The following SAP130 variants were observed in gnomAD, a reference collection of about 807,000 sequenced individuals.
SAP130 encodes the protein Sin3A associated protein 130.
In SAP130, 16 loss-of-function variants were observed where a neutral mutation model predicts 103.2. The ratio of observed to expected loss-of-function variants is 0.16; its 90% confidence interval spans 0.10 to 0.24. The LOEUF is 0.24. SAP130 is among the 10% of genes least tolerant of loss of function. The pLI is 1.00. For missense variants in SAP130, 990 were observed against 1,359.7 expected, an observed-to-expected ratio of 0.73 and a Z score of 4.28; for synonymous variants, 477 against 497.0, an observed-to-expected ratio of 0.96 and a Z score of 0.53.
rs72841718 is a variant in SAP130 at position 127,995,561 on chromosome 2, C to T, written c.1355+789G>A. Among the ~76,000 whole-genome samples the T allele has an allele frequency of 9.7e-3, 1,483 of 152,164 alleles. 18 individuals are homozygous for T. The highest frequency in any genetic ancestry group is 0.034 in the Middle Eastern group (10 of 294). Reference sequence around the variant, plus strand: ...GAGAAAGTTTCTTTACGTCAGAATGCCAGCTAATATATATAGACAACACGT... The same window carrying T: ...GAGAAAGTTTCTTTACGTCAGAATGTCAGCTAATATATATAGACAACACGT... On this transcript the variant is annotated intron_variant, in intron 11 of 20. Coordinates refer to ENST00000643581, the MANE Select transcript of SAP130 (RefSeq NM_001330301.2).
rs768285362 is a variant in SAP130 at position 127,993,254 on chromosome 2, T to G, written c.1410A>C (p.Ala470=). ...TGTAGGTATGTGCCGCCAGTGGGTA[T>G]GCAGAAGGGGGGTAAGTTGGCAAAA... The part of the protein sequence containing the change: ...QYFLPTYPPS[A]YPLAAHTYTP... The change falls in exon 12 of 21, where the codon GCA becomes GCC. Residue 470 remains alanine (A), a synonymous_variant. Transcript: ENST00000643581. The G allele has an allele frequency of 4.3e-6, 7 of 1,613,896 alleles. No individual in the cohort carries two copies. The highest frequency in any genetic ancestry group is 5.9e-6 in the Non-Finnish European group (7 of 1,179,988).
At chr2:127,977,635 G>A (rs1681562503) in intron 15 of SAP130, among the ~76,000 whole-genome samples, 3 of 152,200 alleles carry the variant, frequency 2.0e-5, no homozygotes, top group Non-Finnish European at 2.9e-5. Flanking sequence ...ATTCTATGAG[G>A]TAGATGTTAT....
chr2:127,982,807 AG>A (rs1682048172), intron 14 of SAP130, among the ~76,000 whole-genome samples: 1 of 152,206 alleles, frequency 6.6e-6, no homozygotes, highest in Non-Finnish European at 1.5e-5. Flanking sequence ...TGAATCAGGA[AG>A]AGCAGAGAAA....
chr2:127,999,745 T>G lies in SAP130; in HGVS notation c.1209A>C (p.Pro403=). The G allele has an allele frequency of 6.6e-7, 1 of 1,507,044 alleles. No homozygotes were observed. The allele number at this position is 1,507,044 out of a possible 1,614,324, so 93.4% of individuals were successfully genotyped here. A position where few individuals can be genotyped will look rare whatever the true frequency, so the allele number is the denominator to read the frequency against. ...CGAAGGCAGCAGGCCACTTACCGAC[T>G]GGGATGTTTGAGGTGGTCACAGCAG... ...HATAVTTSNI[P]VAKVVPQQIT... is the part of the protein sequence containing the mutation. Residue 403 remains proline, a synonymous_variant, in exon 10 of 21, where the codon CCA becomes CCC. Transcript: ENST00000643581.
At chr2:127,999,646 G>A (rs1573788174) in intron 10 of SAP130, 95 bp downstream of exon 10, 3 of 570,528 alleles carry the variant, frequency 5.3e-6, no homozygotes, top group African/African-American at 3.8e-5. Context: ...AATCAACAAT[G>A]GTAAAAATCA....
intron 15 of SAP130, among the ~76,000 whole-genome samples, chr2:127,958,685 A>AGAGAGAGAGAGAGAGAGAGAG (rs1680024449): frequency 8.9e-6 from 1 of 112,036 alleles, no homozygotes; most frequent in Non-Finnish European, 1.9e-5. Flanking sequence ...AGAGAGAGAG[A>AGAGAGAGAGAGAGAGAGAGAG]ATCTCTCACT....
chr2:127,969,567 T>G (rs1680917698), intron 15 of SAP130, among the ~76,000 whole-genome samples: 2 of 152,218 alleles, frequency 1.3e-5, no homozygotes, highest in Non-Finnish European at 2.9e-5. Flanking sequence ...ACAAACTGTG[T>G]GGCTTAAACA....
At chr2:127,957,632 C>T (rs1679935342) in intron 15 of SAP130, among the ~76,000 whole-genome samples, 1 of 150,788 alleles carries the variant, frequency 6.6e-6, no homozygotes, top group Non-Finnish European at 1.5e-5. Flanking sequence ...GTTATGATGG[C>T]ACCACTGAAC....
chr2:127,998,860 A>G (rs1419175060), intron 10 of SAP130, among the ~76,000 whole-genome samples: 1 of 152,228 alleles, frequency 6.6e-6, no homozygotes, highest in Non-Finnish European at 1.5e-5. Flanking sequence ...CTGACTTGAT[A>G]AACGTTAAGC....
At chr2:127,993,344 C>A (rs775132635) in intron 11 of SAP130, 36 bp from the exon 12 acceptor site, 5 of 1,570,080 alleles carry the variant, frequency 3.2e-6, no homozygotes, top group South Asian at 1.2e-5. Flanking sequence ...ACAAAATAGT[C>A]ATTTTCTTCT....
rs1381963422 is a variant in SAP130, at chr2:127,989,185, A to AC, written c.1780+378dup. 1.4e-4 allele frequency among the ~76,000 whole-genome samples: 21 copies of AC among 151,066 alleles called. No individual in the cohort carries two copies. Among genetic ancestry groups the AC allele is most frequent in the Admixed American group, 1.4e-3 (21 of 15,148 alleles). ...GTGATCTCGGCTCACTGCAAGCTCC[A>AC]CATCCCCAGTTCACGCCATTCTCTC... On this transcript the variant is annotated intron_variant, in intron 13 of 20. Coordinates refer to ENST00000643581, the MANE Select transcript of SAP130 (RefSeq NM_001330301.2). This position sits in a 1 kb window ranked among gnomAD's most constrained non-coding sequence, Gnocchi z 4.6.
intron 19 of SAP130, among the ~76,000 whole-genome samples, chr2:127,944,750 G>T (rs896326921): frequency 2.0e-5 from 3 of 151,926 alleles, no homozygotes; most frequent in African/African-American, 7.3e-5. Context: ...TAAAAAATCA[G>T]CTGTGTGCAG....
intron 2 of SAP130, among the ~76,000 whole-genome samples, chr2:128,025,637 G>A (rs535912715): frequency 6.6e-5 from 10 of 152,090 alleles, no homozygotes; most frequent in Non-Finnish European, 1.2e-4. Context: ...CATTGTAGGA[G>A]GTATTACAAG....
chr2:128,014,274 G>C (rs983943773), intron 5 of SAP130, among the ~76,000 whole-genome samples: 4 of 152,018 alleles, frequency 2.6e-5, no homozygotes, highest in South Asian at 2.1e-4. Context: ...ACCCAGGCTG[G>C]AGTGCAGCGG....
At chr2:127,947,111 G>A (rs1194813178) in intron 18 of SAP130, among the ~76,000 whole-genome samples, 1 of 151,626 alleles carries the variant, frequency 6.6e-6, no homozygotes, top group Non-Finnish European at 1.5e-5. Context: ...GACTGGAGTG[G>A]TGCAGGTGCA....
chr2:128,001,344 T>C (rs906424556), intron 7 of SAP130, among the ~76,000 whole-genome samples: 4 of 152,228 alleles, frequency 2.6e-5, no homozygotes, highest in African/African-American at 9.6e-5. Flanking sequence ...CTCTCCAGCC[T>C]GGGCGACAGA....
At chr2:128,010,061 C>T (rs1368473916) in intron 7 of SAP130, among the ~76,000 whole-genome samples, 1 of 151,974 alleles carries the variant, frequency 6.6e-6, no homozygotes, top group East Asian at 1.9e-4. Context: ...ACATATTTAT[C>T]GCGTCTCCAG....
rs1017522340 is a variant in SAP130, at chr2:127,988,492, A to T, written c.1780+1072T>A. 2.0e-5 allele frequency among the ~76,000 whole-genome samples: 3 copies of T among 151,948 alleles called. No individual in the cohort carries two copies. In the East Asian group the frequency reaches 5.8e-4, roughly 29 times the overall value. On this transcript the variant is annotated intron_variant, in intron 13 of 20. Coordinates refer to ENST00000643581, the MANE Select transcript of SAP130 (RefSeq NM_001330301.2). ...AGAAACAGCCATTTTGTTTTTTTAA[A>T]CTACATTAGAGAAATGGCTAATCAA...
intron 14 of SAP130, among the ~76,000 whole-genome samples, chr2:127,979,603 A>G (rs1250838883): frequency 9.4e-6 from 1 of 105,908 alleles, no homozygotes; most frequent in Non-Finnish European, 2.2e-5. Flanking sequence ...AATATAAAAT[A>G]TAACAAATTG....
Sources: gnomAD v4.1 joint callset for allele counts (sites outside exome capture counted in the v4.1 genomes callset) on GRCh38, gnomAD v4.1.1 for gene constraint, Gnocchi (gnomAD v3.1) non-coding constraint, MANE v1.5 for transcripts, NCBI Gene and HGNC (gene_info 2026-07-23, HGNC 2026-07-21) for gene names.